The following TASP1 variants were observed in gnomAD, a reference collection of about 807,000 sequenced individuals.
The protein encoded by TASP1 is threonine aspartase 1.
In TASP1, 16 loss-of-function variants were observed where a neutral mutation model predicts 56.6. The observed-to-expected ratio is 0.28, with a 90% CI of 0.19 to 0.43. TASP1 has a LOEUF of 0.43. Among genes scored for constraint, TASP1 ranks in the 20% least tolerant of loss-of-function variants. TASP1 has a pLI of 1.00. For synonymous variants in TASP1, 179 were observed against 184.2 expected (o/e 0.97, Z 0.23); for missense variants, 393 against 511.6 (o/e 0.77, Z 2.24).
intron 4 of TASP1, among the ~76,000 whole-genome samples, chr20:13,590,666 G>A (rs1601363785): frequency 6.6e-6 from 1 of 151,978 alleles, no homozygotes; most frequent in Admixed American, 6.6e-5. Flanking sequence ...AGGCATTCGA[G>A]ACCAGCCTGG....
At chr20:13,126,518 G>A in the TASP1 span, 16 of 1,573,524 alleles carry the variant, frequency 1.0e-5, no homozygotes, top group Non-Finnish European at 1.4e-5. Flanking sequence ...ATAGGGATGG[G>A]ACTAGATGTA....
intron 12 of TASP1, among the ~76,000 whole-genome samples, chr20:13,430,448 CG>C (rs2042767287): frequency 6.6e-6 from 1 of 152,266 alleles, no homozygotes; most frequent in African/African-American, 2.4e-5. Flanking sequence ...CAGGAAGCCC[CG>C]GTTCCTCAGA....
intron 6 of TASP1, among the ~76,000 whole-genome samples, chr20:13,575,895 T>G (rs560811646): frequency 7.0e-4 from 106 of 152,198 alleles, no homozygotes; most frequent in African/African-American, 2.4e-3. Flanking sequence ...ACTATATTCA[T>G]TCCCAGGAGA....
chr20:13,264,061 G>C, the TASP1 span, among the ~76,000 whole-genome samples: 1 of 152,004 alleles, frequency 6.6e-6, no homozygotes, highest in African/African-American at 2.4e-5. Context: ...CTAGGCCCTC[G>C]TTACCCAATG....
At chr20:13,503,262 C>A (rs1386379409) in intron 10 of TASP1, among the ~76,000 whole-genome samples, 1 of 152,114 alleles carries the variant, frequency 6.6e-6, no homozygotes, top group East Asian at 1.9e-4. Flanking sequence ...ATTCACAACA[C>A]CTTCCCCCAG....
chr20:13,281,585 C>T, the TASP1 span, among the ~76,000 whole-genome samples: 1 of 152,180 alleles, frequency 6.6e-6, no homozygotes, highest in Non-Finnish European at 1.5e-5. Context: ...CTGAGATTCA[C>T]CCCAGGCAGT....
the TASP1 span, chr20:13,160,114 C>T: frequency 5.0e-6 from 8 of 1,613,758 alleles, no homozygotes; most frequent in African/African-American, 1.3e-5. Context: ...CGGCACATAC[C>T]CGGGAGATGT....
At chr20:13,130,031 TC>T in the TASP1 span, among the ~76,000 whole-genome samples, 1 of 152,238 alleles carries the variant, frequency 6.6e-6, no homozygotes, top group Admixed American at 6.5e-5. Context: ...CAGTTTATTT[TC>T]AAAGAAACAA....
chr20:13,413,678 A>C (rs892998195), intron 13 of TASP1, among the ~76,000 whole-genome samples: 1 of 152,210 alleles, frequency 6.6e-6, no homozygotes, highest in African/African-American at 2.4e-5. Flanking sequence ...AGACCCAAAG[A>C]ACTAATCAAA....
At chr20:13,479,731 T>C (rs6033722) in intron 11 of TASP1, among the ~76,000 whole-genome samples, 93,319 of 151,962 alleles carry the variant, frequency 0.61, 29,285 homozygotes, top group Non-Finnish European at 0.68. Context: ...CGTGACCTCA[T>C]GTGATCCACC....
At chr20:13,511,709 A>G (rs962012810) in intron 10 of TASP1, among the ~76,000 whole-genome samples, 3 of 151,280 alleles carry the variant, frequency 2.0e-5, no homozygotes, top group Non-Finnish European at 4.4e-5. Flanking sequence ...CCACCCATTA[A>G]CTTGTCATTT....
the TASP1 span, among the ~76,000 whole-genome samples, chr20:13,266,213 G>A: frequency 6.6e-6 from 1 of 152,136 alleles, no homozygotes; most frequent in African/African-American, 2.4e-5. Flanking sequence ...GAAAAAGAGG[G>A]GACTAGACAT....
chr20:13,512,700 G>A (rs2044381440), intron 10 of TASP1, among the ~76,000 whole-genome samples: 1 of 152,176 alleles, frequency 6.6e-6, no homozygotes, highest in African/African-American at 2.4e-5. Context: ...GAATGGTATT[G>A]CCTAGGTTTT....
chr20:13,582,123 CAA>C (rs773253001), intron 5 of TASP1, among the ~76,000 whole-genome samples: 26 of 78,942 alleles, frequency 3.3e-4, no homozygotes, highest in Admixed American at 4.1e-4. Context: ...GTATGAAATA[CAA>C]AAAAAAAAAA....
At chr20:13,504,305 G>A (rs2044052576) in intron 10 of TASP1, among the ~76,000 whole-genome samples, 1 of 151,944 alleles carries the variant, frequency 6.6e-6, no homozygotes, top group Non-Finnish European at 1.5e-5. Context: ...TATTTGAAGT[G>A]CCAGAATTAA....
chr20:13,385,900 C>A (rs2041159844), downstream of TASP1, among the ~76,000 whole-genome samples: 1 of 152,182 alleles, frequency 6.6e-6, no homozygotes, highest in Non-Finnish European at 1.5e-5. Flanking sequence ...GCCTACAGCA[C>A]CCAGAGACAG....
intron 11 of TASP1, among the ~76,000 whole-genome samples, chr20:13,475,911 C>CA (rs1410554901): frequency 1.0e-4 from 15 of 145,500 alleles, no homozygotes; most frequent in South Asian, 4.4e-4. Flanking sequence ...CAAAACAAAA[C>CA]AAAAAAAACT....
chr20:13,406,304 A>T (rs1235726233), intron 13 of TASP1, among the ~76,000 whole-genome samples: 1 of 152,232 alleles, frequency 6.6e-6, no homozygotes, highest in African/African-American at 2.4e-5. Context: ...CAATCCATGA[A>T]TATGGCATGT....
chr20:13,598,334 T>G (rs1301574851), intron 4 of TASP1, among the ~76,000 whole-genome samples: 2 of 151,972 alleles, frequency 1.3e-5, no homozygotes, highest in Non-Finnish European at 2.9e-5. Context: ...CCAAAACAGA[T>G]ATATAGACCA....
Sources: gnomAD v4.1 joint callset for allele counts (sites outside exome capture counted in the v4.1 genomes callset) on GRCh38, gnomAD v4.1.1 for gene constraint, MANE v1.5 for transcripts, NCBI Gene and HGNC (gene_info 2026-07-23, HGNC 2026-07-21) for gene names.